MTMR12: variants seen among roughly 807,000 people sequenced by gnomAD.
The protein encoded by MTMR12 is myotubularin-related protein 12.
MTMR12 carries 33 observed loss-of-function variants against 96.7 expected under a neutral mutation model. The observed-to-expected ratio is 0.34, with a 90% CI of 0.26 to 0.46. The LOEUF (loss-of-function observed/expected upper bound fraction) is 0.46. Ranked by LOEUF, MTMR12 falls within the 20% of genes least tolerant of loss-of-function variation. MTMR12 has a pLI of 1.00. For synonymous variants in MTMR12, 298 were observed against 327.2 expected, an observed-to-expected ratio of 0.91 and a Z score of 0.96; for missense variants, 721 against 896.1, an observed-to-expected ratio of 0.80 and a Z score of 2.49.
chr5:32,277,432 C>T (rs1432683862), intron 1 of MTMR12, among the ~76,000 whole-genome samples: 4 of 152,106 alleles, frequency 2.6e-5, no homozygotes, highest in African/African-American at 9.7e-5. Context: ...AGCGTGGTGG[C>T]TCACACCTGT....
intron 6 of MTMR12, among the ~76,000 whole-genome samples, chr5:32,266,546 C>G (rs6896284): frequency 0.37 from 56,558 of 151,616 alleles, 10,723 homozygotes; most frequent in East Asian, 0.5. Context: ...AAATTAGCCA[C>G]ATGTGGTGGC....
At position 32,312,609 on chromosome 5, in the gene MTMR12, C is replaced by A. The variant is rs891107387; in HGVS notation, c.81+149G>T. 4.5e-6 allele frequency: 3 copies of A among 669,018 alleles called. No homozygotes were observed. The South Asian group carries it at 2.1e-4, about 47-fold the overall frequency. The allele number at this position is 669,018 out of a possible 1,614,324, so 41.4% of individuals were successfully genotyped here. A position where few individuals can be genotyped will look rare whatever the true frequency, so the allele number is the denominator to read the frequency against. ...GCCCGCGCGGAGGCCCCAGCGCGCTCCTGCGGCCTCAGCCCGCCTGGCTGC... is the reference window on the plus strand; with the variant it reads ...GCCCGCGCGGAGGCCCCAGCGCGCTACTGCGGCCTCAGCCCGCCTGGCTGC... On this transcript the variant is annotated intron_variant, in intron 1 of 15. Transcript: ENST00000382142. The surrounding 1 kb of genome is among the most constrained non-coding windows in gnomAD (Gnocchi z 5.0).
chr5:32,289,734 A>G (rs1003191342), intron 1 of MTMR12, among the ~76,000 whole-genome samples: 1 of 152,198 alleles, frequency 6.6e-6, no homozygotes, highest in Admixed American at 6.5e-5. Flanking sequence ...TAATTGGCAT[A>G]GACATACTTA....
At chr5:32,254,629 G>C (rs904965310) in intron 8 of MTMR12, among the ~76,000 whole-genome samples, 2 of 151,990 alleles carry the variant, frequency 1.3e-5, no homozygotes, top group Non-Finnish European at 2.9e-5. Context: ...GATCACCTGA[G>C]GCCTGGAGTT....
chr5:32,312,763 G>C lies in MTMR12; in HGVS notation c.76C>G (p.Pro26Ala). The C allele has an allele frequency of 6.5e-7, 1 of 1,526,850 alleles. No individual in the cohort carries two copies. The highest frequency in any genetic ancestry group is 8.8e-7 in the Non-Finnish European group (1 of 1,139,980). The allele number at this position is 1,526,850 out of a possible 1,614,324, so 94.6% of individuals were successfully genotyped here. A position where few individuals can be genotyped will look rare whatever the true frequency, so the allele number is the denominator to read the frequency against. Residue 26 changes from proline to alanine, a missense_variant, in exon 1 of 16, where the codon CCT (proline) becomes GCT (alanine). By Grantham distance (27) the Pro-to-Ala change is conservative. Transcript: ENST00000382142. This position sits in a 1 kb window ranked among gnomAD's most constrained non-coding sequence, Gnocchi z 5.0. ...PKPSFVSYVR[P>A]EEIHTNEKEV... is the part of the protein sequence containing the mutation. ...CCTGCGCGGCGCCCCCTCACCTCAG[G>C]GCGTACGTACGACACGAAGGAGGGC... is the stretch of plus-strand genomic sequence containing the variant.
chr5:32,284,479 A>T (rs898276693), intron 1 of MTMR12, among the ~76,000 whole-genome samples: 9 of 152,214 alleles, frequency 5.9e-5, no homozygotes, highest in African/African-American at 1.9e-4. Flanking sequence ...AAGCCTTTTC[A>T]GAGAGAGCAG....
rs368548921 is a variant in MTMR12 at position 32,270,639 on chromosome 5, C to G, written c.489+178G>C. Among the ~76,000 whole-genome samples the G allele has an allele frequency of 1.5e-3, 230 of 152,308 alleles. 10 individuals are homozygous for G. The South Asian group carries it at 0.047, about 31-fold the overall frequency. The stretch of plus-strand genomic sequence containing the variant: ...AGGTAGCATGTGCCAAGATGATACA[C>G]ACGCATGCTTTATCAAATTACTTTT... On this transcript the variant is annotated intron_variant, in intron 5 of 15. Coordinates refer to ENST00000382142, the MANE Select transcript of MTMR12 (RefSeq NM_001040446.3).
intron 8 of MTMR12, among the ~76,000 whole-genome samples, chr5:32,252,333 A>C (rs1748963731): frequency 6.6e-6 from 1 of 152,208 alleles, no homozygotes; most frequent in East Asian, 1.9e-4. Context: ...ACTAAATGTC[A>C]CTATGGGAAG....
At chr5:32,266,718 A>G (rs1749612905) in intron 6 of MTMR12, among the ~76,000 whole-genome samples, 1 of 151,706 alleles carries the variant, frequency 6.6e-6, no homozygotes, top group Admixed American at 6.6e-5. Context: ...ACAACAAAAA[A>G]AAACTGCCAC....
At chr5:32,279,285 T>C (rs1581627947) in intron 1 of MTMR12, among the ~76,000 whole-genome samples, 1 of 151,478 alleles carries the variant, frequency 6.6e-6, no homozygotes, top group South Asian at 2.1e-4. Context: ...CCAGGTATGG[T>C]AGTACACACC....
chr5:32,292,113 C>A (rs75365625), intron 1 of MTMR12, among the ~76,000 whole-genome samples: 2,236 of 152,276 alleles, frequency 0.015, 38 homozygotes, highest in East Asian at 0.07. Context: ...TCCCTATCAT[C>A]CTGAAGCAGC....
chr5:32,249,856 C>A (rs1748847323), intron 8 of MTMR12, among the ~76,000 whole-genome samples: 1 of 152,250 alleles, frequency 6.6e-6, no homozygotes, highest in Non-Finnish European at 1.5e-5. Flanking sequence ...ACTGGTTGGA[C>A]GGGTGAGTAC....
rs1447589343 is a variant in MTMR12 at position 32,260,729 on chromosome 5, CGGGGGGGA to C, written c.713+2376_713+2383del. On this transcript the variant is annotated intron_variant, in intron 7 of 15. Coordinates refer to ENST00000382142, the MANE Select transcript of MTMR12 (RefSeq NM_001040446.3). ...CTCACACTGTGAAGGCACTGCAGGGCGGGGGGGAGGGGGACCAGTGGCAGCAACCTGAT... is the reference window on the plus strand; with the variant it reads ...CTCACACTGTGAAGGCACTGCAGGGCGGGGGACCAGTGGCAGCAACCTGAT... Among the ~76,000 whole-genome samples the C allele has an allele frequency of 2.5e-5, 3 of 120,462 alleles. No individual in the cohort carries two copies. In the East Asian group the frequency reaches 8.5e-4, roughly 34 times the overall value. The allele number at this position is 120,462 out of a possible 152,430, so 79.0% of individuals were successfully genotyped here. A position where few individuals can be genotyped will look rare whatever the true frequency, so the allele number is the denominator to read the frequency against.
chr5:32,268,325 T>C (rs1442967947), intron 6 of MTMR12, among the ~76,000 whole-genome samples: 1 of 151,872 alleles, frequency 6.6e-6, no homozygotes, highest in Non-Finnish European at 1.5e-5. Context: ...CTGACCAACA[T>C]GGAGAAACCT....
rs1747881623 is a variant in MTMR12 at position 32,228,971 on chromosome 5, A to T, written c.*807T>A. 1 of 152,134 alleles carries T rather than the reference A, an allele frequency of 6.6e-6. No individual in the cohort carries two copies. The allele number at this position is 152,134 out of a possible 1,614,324, so 9.4% of individuals were successfully genotyped here. On this transcript the variant is annotated 3_prime_UTR_variant, in exon 16 of 16. Transcript: ENST00000382142. ...GAGGAATGGACGCTCCTCAGGAAGG[A>T]TCTCAGGCAAAGAAACAGATCCCCG...
intron 13 of MTMR12, among the ~76,000 whole-genome samples, chr5:32,236,838 CAAA>C (rs111843533): frequency 8.5e-6 from 1 of 117,218 alleles, no homozygotes; most frequent in Non-Finnish European, 1.9e-5. Context: ...ACTCCTTCTC[CAAA>C]AAAAAAAAAA....
chr5:32,304,080 T>C (rs1282206282), intron 1 of MTMR12, among the ~76,000 whole-genome samples: 1 of 152,146 alleles, frequency 6.6e-6, no homozygotes, highest in East Asian at 1.9e-4. Context: ...CCCAGCACTT[T>C]GGGAGCCGAG....
intron 7 of MTMR12, among the ~76,000 whole-genome samples, chr5:32,257,324 T>C (rs1749179352): frequency 6.6e-6 from 1 of 151,914 alleles, no homozygotes; most frequent in Admixed American, 6.6e-5. Context: ...AAATTAAAAT[T>C]AAAACAAGAT....
At chr5:32,306,123 A>G (rs906875283) in intron 1 of MTMR12, among the ~76,000 whole-genome samples, 2 of 152,168 alleles carry the variant, frequency 1.3e-5, no homozygotes, top group Admixed American at 1.3e-4. Flanking sequence ...AAGGCTAATC[A>G]TGATATAAGC....
Sources: allele counts gnomAD v4.1 joint callset (sites outside exome capture counted in the v4.1 genomes callset), GRCh38; gene constraint gnomAD v4.1.1; non-coding constraint Gnocchi (gnomAD v3.1); transcripts MANE v1.5; gene names NCBI Gene and HGNC (gene_info 2026-07-23, HGNC 2026-07-21).